Variants in UNC13C observed in about 807,000 individuals in gnomAD.
UNC13C encodes unc-13 homolog C, also known as protein unc-13 homolog C.
A neutral mutation model predicts 245.4 loss-of-function variants in UNC13C; 174 were observed. The ratio of observed to expected loss-of-function variants is 0.71; its 90% CI spans 0.63 to 0.80. UNC13C has a LOEUF of 0.80. UNC13C is among the 30% of genes least tolerant of loss of function. The probability of loss-of-function intolerance (pLI) is 0.00; values close to 1 mark genes in which losing one functional copy is unlikely to be tolerated. For missense variants in UNC13C, 2,829 were observed against 2,602.9 expected (o/e 1.09, Z -1.89); for synonymous variants, 992 against 895.1 (o/e 1.11, Z -1.93).
chr15:54,444,397 C>T (rs761185758), intron 19 of UNC13C, among the ~76,000 whole-genome samples: 59 of 150,930 alleles, frequency 3.9e-4, no homozygotes, highest in Non-Finnish European at 6.6e-4. Context: ...CATTCCTTTA[C>T]TTTGAGTCTA....
the UNC13C span, among the ~76,000 whole-genome samples, chr15:53,864,384 C>A: frequency 1.3e-5 from 2 of 152,108 alleles, no homozygotes; most frequent in African/African-American, 4.8e-5. Flanking sequence ...CAAAATCAAC[C>A]AATACTTTTT....
chr15:53,866,076 T>A, the UNC13C span, among the ~76,000 whole-genome samples: 2 of 152,170 alleles, frequency 1.3e-5, no homozygotes, highest in East Asian at 3.9e-4. Flanking sequence ...ATTAAAGAGG[T>A]AAGTAAAAAG....
At chr15:53,990,935 T>C (rs1324140380) in intron 1 of UNC13C, among the ~76,000 whole-genome samples, 1 of 152,036 alleles carries the variant, frequency 6.6e-6, no homozygotes, top group Non-Finnish European at 1.5e-5. Context: ...AACTAGGTCC[T>C]ATATAATGAC....
chr15:54,444,139 T>C (rs1388321679), intron 19 of UNC13C, among the ~76,000 whole-genome samples: 1 of 151,950 alleles, frequency 6.6e-6, no homozygotes, highest in Non-Finnish European at 1.5e-5. Flanking sequence ...CTTATCATTA[T>C]ATAATAATCT....
the UNC13C span, among the ~76,000 whole-genome samples, chr15:53,940,955 A>G: frequency 6.6e-6 from 1 of 152,186 alleles, no homozygotes; most frequent in Non-Finnish European, 1.5e-5. Flanking sequence ...TAGAAAAAAA[A>G]TCTATTTTAA....
rs1479418928 is a variant in UNC13C, at chr15:54,627,493, C to CATT, written c.*381_*383dup. The CATT allele has an allele frequency of 6.2e-6, 1 of 161,252 alleles. No individual in the cohort carries two copies. The highest frequency in any genetic ancestry group is 1.8e-4 in the East Asian group (1 of 5,630). 10.0% of individuals were successfully genotyped at this position (161,252 alleles called of 1,614,324 possible). ...CAGAAAACATTTATTACTCAATTTC[C>CATT]ATTTTATTTACTTACCTCATTATAG... On this transcript the variant is annotated 3_prime_UTR_variant, in exon 33 of 33. Transcript: ENST00000260323.
At chr15:54,557,675 G>A (rs1185431369) in intron 29 of UNC13C, among the ~76,000 whole-genome samples, 66 of 151,806 alleles carry the variant, frequency 4.3e-4, no homozygotes, top group Non-Finnish European at 1.5e-4. Flanking sequence ...AATTTCCAAC[G>A]GCTGCTAAAG....
chr15:53,872,538 C>A, the UNC13C span, among the ~76,000 whole-genome samples: 1 of 152,042 alleles, frequency 6.6e-6, no homozygotes, highest in Non-Finnish European at 1.5e-5. Flanking sequence ...TCTTTTATGC[C>A]GTTTCAACAG....
chr15:54,529,763 A>G (rs923182145), intron 25 of UNC13C, among the ~76,000 whole-genome samples: 2 of 152,180 alleles, frequency 1.3e-5, no homozygotes, highest in African/African-American at 4.8e-5. Context: ...CTGCAATACT[A>G]AAATGAATTC....
At chr15:54,192,516 C>G (rs1359516790) in intron 4 of UNC13C, among the ~76,000 whole-genome samples, 3 of 152,140 alleles carry the variant, frequency 2.0e-5, no homozygotes, top group African/African-American at 7.2e-5. Flanking sequence ...CTTCACAATA[C>G]AGCCCCTTTC....
At chr15:54,226,117 T>G (rs1012199580) in intron 4 of UNC13C, among the ~76,000 whole-genome samples, 2 of 152,210 alleles carry the variant, frequency 1.3e-5, no homozygotes, top group African/African-American at 4.8e-5. Context: ...TTTATTGATT[T>G]GTGTATGTTA....
At chr15:54,587,257 A>G (rs1471464964) in intron 30 of UNC13C, among the ~76,000 whole-genome samples, 3 of 147,606 alleles carry the variant, frequency 2.0e-5, no homozygotes, top group Non-Finnish European at 4.4e-5. Context: ...TGTCATGTTG[A>G]TTTTACACAA....
chr15:54,504,953 GA>G (rs1227141469), intron 22 of UNC13C, among the ~76,000 whole-genome samples: 2 of 152,126 alleles, frequency 1.3e-5, no homozygotes, highest in Non-Finnish European at 2.9e-5. Context: ...TGTCAAATCA[GA>G]ACTGATTGTA....
chr15:54,476,584 G>C (rs1467341920), intron 19 of UNC13C, among the ~76,000 whole-genome samples: 2 of 151,672 alleles, frequency 1.3e-5, no homozygotes, highest in African/African-American at 2.4e-5. Flanking sequence ...CCCATTTCTT[G>C]TTTTTCTCAG....
At chr15:53,991,111 T>G (rs1897046) in intron 1 of UNC13C, among the ~76,000 whole-genome samples, 148,039 of 152,042 alleles carry the variant, frequency 0.97, 72,188 homozygotes, top group Middle Eastern at 1. Context: ...GGTATATACT[T>G]CTTTCTGAAT....
At chr15:54,480,795 T>A (rs1893062719) in intron 19 of UNC13C, among the ~76,000 whole-genome samples, 1 of 152,200 alleles carries the variant, frequency 6.6e-6, no homozygotes, top group Non-Finnish European at 1.5e-5. Context: ...ATTTCTTGGG[T>A]TCTTGCATTT....
intron 28 of UNC13C, among the ~76,000 whole-genome samples, chr15:54,554,582 CAA>C (rs1426916628): frequency 7.9e-5 from 12 of 152,154 alleles, no homozygotes; most frequent in Admixed American, 2.6e-4. Flanking sequence ...TCCAGAAGGA[CAA>C]ACGTTTTCCC....
rs1384015349 is a variant in UNC13C at position 53,984,314 on chromosome 15, G to A, written c.-257+5387G>A. Among the ~76,000 whole-genome samples the A allele has an allele frequency of 2.0e-5, 3 of 152,116 alleles. No homozygotes were observed. In the East Asian group the frequency reaches 5.8e-4, roughly 29 times the overall value. On this transcript the variant is annotated intron_variant, in intron 1 of 32. Transcript: ENST00000260323. ...AGATTATGCACAGTTTCCAGATACT[G>A]ACATTTTATACAATTCCACAGTAGT...
At chr15:54,319,324 G>C (rs1349855550) in intron 13 of UNC13C, among the ~76,000 whole-genome samples, 1 of 149,262 alleles carries the variant, frequency 6.7e-6, no homozygotes, top group Non-Finnish European at 1.5e-5. Context: ...TGATAGCATA[G>C]CTCTAAGAAT....
Sources: gnomAD v4.1 joint callset for allele counts (sites outside exome capture counted in the v4.1 genomes callset) on GRCh38, gnomAD v4.1.1 for gene constraint, MANE v1.5 for transcripts, NCBI Gene and HGNC (gene_info 2026-07-23, HGNC 2026-07-21) for gene names.